EPSTI1: variants seen among roughly 807,000 people sequenced by gnomAD.
EPSTI1 encodes the protein epithelial stromal interaction 1, also known as epithelial-stromal interaction protein 1.
In EPSTI1, 66 loss-of-function variants were observed where a neutral mutation model predicts 49.9. The ratio of observed to expected loss-of-function variants is 1.32; its 90% CI spans 1.08 to 1.62. The LOEUF is 1.62. Ranked by LOEUF, EPSTI1 falls within the 40% of genes most tolerant of loss-of-function variation. EPSTI1 has a pLI of 0.00. For synonymous variants in EPSTI1, 137 were observed against 130.7 expected (o/e 1.05, Z -0.33); for missense variants, 394 against 365.5 (o/e 1.08, Z -0.64).
Position 42,917,638 on chromosome 13 carries a change from A to AAAC in EPSTI1, c.658-15_658-14insGTT. On this transcript the variant is annotated splice_polypyrimidine_tract_variant and intron_variant, in intron 7 of 10. Transcript: ENST00000313624. ...CCAGCTTCTGGCCTGTAAAGGTACA[A>AAAC]AGAGAAAAAAAAAAAAAAAAACAAC... 2 of 990,232 alleles carry AAAC rather than the reference A, an allele frequency of 2.0e-6. No individual in the cohort carries two copies. Among genetic ancestry groups the AAAC allele is most frequent in the Non-Finnish European group, 2.9e-6 (2 of 680,190 alleles). 61.3% of individuals were successfully genotyped at this position (990,232 alleles called of 1,614,324 possible).
chr13:42,927,523 A>T (rs2038222569), intron 6 of EPSTI1, among the ~76,000 whole-genome samples: 1 of 152,200 alleles, frequency 6.6e-6, no homozygotes, highest in Non-Finnish European at 1.5e-5. Flanking sequence ...AGTACTTAGG[A>T]CATGGGCATC....
chr13:42,984,960 A>C (rs1257005287), intron 1 of EPSTI1, among the ~76,000 whole-genome samples: 2 of 152,208 alleles, frequency 1.3e-5, no homozygotes, highest in African/African-American at 4.8e-5. Flanking sequence ...AGGTTGCAGT[A>C]GGGTGTTTTA....
chr13:42,964,874 C>T (rs985152561), intron 3 of EPSTI1, among the ~76,000 whole-genome samples: 4 of 152,122 alleles, frequency 2.6e-5, no homozygotes, highest in African/African-American at 7.2e-5. Flanking sequence ...GCTTGGTGTG[C>T]GTATTATAAA....
intron 5 of EPSTI1, among the ~76,000 whole-genome samples, chr13:42,962,854 T>C (rs938840609): frequency 3.9e-5 from 6 of 152,020 alleles, no homozygotes; most frequent in African/African-American, 1.4e-4. Flanking sequence ...ATGAAGAAAT[T>C]AGCTGTAAAT....
At chr13:42,920,668 G>GA (rs1425509807) in intron 7 of EPSTI1, among the ~76,000 whole-genome samples, 2 of 152,148 alleles carry the variant, frequency 1.3e-5, no homozygotes, top group African/African-American at 4.8e-5. Context: ...AACAGGAAAT[G>GA]AAAAGTGTAT....
chr13:42,988,479 T>A (rs1357676524), intron 1 of EPSTI1, among the ~76,000 whole-genome samples: 2 of 152,160 alleles, frequency 1.3e-5, no homozygotes, highest in Non-Finnish European at 2.9e-5. Context: ...ACGCCTGTAA[T>A]CCCAGCACTT....
chr13:42,983,495 C>T (rs1277687650), intron 1 of EPSTI1, among the ~76,000 whole-genome samples: 1 of 133,502 alleles, frequency 7.5e-6, no homozygotes. Context: ...AGCCAGGAGG[C>T]GGAGTTTGCA....
At chr13:42,889,792 A>C (rs2153407230) in intron 10 of EPSTI1, among the ~76,000 whole-genome samples, 2 of 152,246 alleles carry the variant, frequency 1.3e-5, no homozygotes, top group South Asian at 4.1e-4. Flanking sequence ...ATGTAGATAT[A>C]GTTATCTTTT....
chr13:42,904,965 A>G (rs2037457306), intron 8 of EPSTI1, among the ~76,000 whole-genome samples: 1 of 152,038 alleles, frequency 6.6e-6, no homozygotes, highest in South Asian at 2.1e-4. Context: ...TATCTTACAT[A>G]GTTTTTGTTT....
rs1008027682 is a variant in EPSTI1, at chr13:42,922,244, G to A, written c.657+4092C>T. On this transcript the variant is annotated intron_variant, in intron 7 of 10. Coordinates refer to ENST00000313624, the MANE Select transcript of EPSTI1 (RefSeq NM_033255.5). The surrounding 1 kb of genome is among the most constrained non-coding windows in gnomAD (Gnocchi z 4.8). ...AGAAACAGGTGGTGGGTTGCATAAT[G>A]GCCCCCCAAAGACGTCCCAATCCCT... Among the ~76,000 whole-genome samples the A allele has an allele frequency of 6.6e-6, 1 of 152,206 alleles. No homozygotes were observed. Among genetic ancestry groups the A allele is most frequent in the African/African-American group, 2.4e-5 (1 of 41,450 alleles).
chr13:42,931,179 T>A (rs1336827080), intron 6 of EPSTI1, among the ~76,000 whole-genome samples: 1 of 148,812 alleles, frequency 6.7e-6, no homozygotes, highest in African/African-American at 2.5e-5. Flanking sequence ...TAGAGCTACC[T>A]TTTGCCTACA....
At chr13:42,991,841 G>T in intron 1 of EPSTI1, 137 bp downstream of exon 1, 1 of 971,068 alleles carries the variant, frequency 1.0e-6, no homozygotes, top group Non-Finnish European at 1.5e-6. Context: ...TTTCATTTAA[G>T]CAAATGAGCT....
At chr13:42,940,684 C>T (rs1273733342) in intron 6 of EPSTI1, among the ~76,000 whole-genome samples, 1 of 152,230 alleles carries the variant, frequency 6.6e-6, no homozygotes, top group Non-Finnish European at 1.5e-5. Flanking sequence ...AGTGATCCAC[C>T]TGCCTCAGCC....
chr13:42,963,921 G>A (rs926083395), intron 4 of EPSTI1, 145 bp downstream of exon 4: 1 of 617,646 alleles, frequency 1.6e-6, no homozygotes, highest in Non-Finnish European at 2.7e-6. Flanking sequence ...CACTTCCTGA[G>A]AGCTTTGATT....
rs61506027 is a variant in EPSTI1 at position 42,968,907 on chromosome 13, G to GAAAA, written c.331+183_331+186dup. Among the ~76,000 whole-genome samples, 10 of 115,138 alleles carry GAAAA rather than the reference G, an allele frequency of 8.7e-5. No individual in the cohort carries two copies. The East Asian group carries it at 1.6e-3, about 18-fold the overall frequency. The allele number at this position is 115,138 out of a possible 152,430, so 75.5% of individuals were successfully genotyped here. On this transcript the variant is annotated intron_variant, in intron 3 of 10. Coordinates refer to ENST00000313624, the MANE Select transcript of EPSTI1 (RefSeq NM_033255.5). Reference sequence around the variant, plus strand: ...CAGGTTTGCTACTTGCAGAAAATCAGAAAAAAAAAAAAATACACACACACA... The same window carrying GAAAA: ...CAGGTTTGCTACTTGCAGAAAATCAGAAAAAAAAAAAAAAAAATACACACACACA...
intron 10 of EPSTI1, among the ~76,000 whole-genome samples, chr13:42,888,893 A>G (rs7983005): frequency 0.53 from 80,366 of 152,018 alleles, 22,089 homozygotes; most frequent in East Asian, 0.79. Context: ...GCTGTATTAT[A>G]CAGCAGAAAG....
chr13:42,900,539 A>G (rs774095389), intron 8 of EPSTI1, among the ~76,000 whole-genome samples, 156 bp from the exon 9 acceptor site: 57 of 152,136 alleles, frequency 3.7e-4, no homozygotes, highest in Non-Finnish European at 7.5e-4. Context: ...ATTTTCTTAT[A>G]TACGTAGGTA....
intron 6 of EPSTI1, among the ~76,000 whole-genome samples, chr13:42,936,459 T>C (rs760826742): frequency 3.3e-5 from 5 of 152,324 alleles, no homozygotes; most frequent in African/African-American, 7.2e-5. Context: ...CTTCTCTCAT[T>C]TGAACTTTCA....
chr13:42,908,092 T>C (rs2037549870), intron 8 of EPSTI1, among the ~76,000 whole-genome samples: 1 of 152,130 alleles, frequency 6.6e-6, no homozygotes, highest in Non-Finnish European at 1.5e-5. Context: ...AAAAAACAAC[T>C]CAATTTGACA....
Sources: allele counts gnomAD v4.1 joint callset (sites outside exome capture counted in the v4.1 genomes callset), GRCh38; gene constraint gnomAD v4.1.1; non-coding constraint Gnocchi (gnomAD v3.1); transcripts MANE v1.5; gene names NCBI Gene and HGNC (gene_info 2026-07-23, HGNC 2026-07-21).